The following RMDN2 variants were observed in gnomAD, a reference collection of about 807,000 sequenced individuals.
The protein encoded by RMDN2 is regulator of microtubule dynamics protein 2.
In RMDN2, 61 loss-of-function variants were observed where a neutral mutation model predicts 52.8. That is an observed-to-expected ratio of 1.16 (90% CI 0.94 to 1.43). RMDN2 has a LOEUF of 1.43. RMDN2 is among the 40% of genes most tolerant of loss of function. The pLI is 0.00. For synonymous variants in RMDN2, 180 were observed against 153.1 expected, an observed-to-expected ratio of 1.18 and a Z score of -1.30; for missense variants, 592 against 475.3, an observed-to-expected ratio of 1.25 and a Z score of -2.28.
At chr2:37,955,020 C>T (rs1669276239) in intron 2 of RMDN2, among the ~76,000 whole-genome samples, 1 of 151,978 alleles carries the variant, frequency 6.6e-6, no homozygotes, top group African/African-American at 2.4e-5. Flanking sequence ...CATAGAAATA[C>T]ACCTGATTTT....
intron 2 of RMDN2, among the ~76,000 whole-genome samples, chr2:37,969,306 C>T (rs1671489497): frequency 6.6e-6 from 1 of 151,778 alleles, no homozygotes; most frequent in South Asian, 2.1e-4. Flanking sequence ...AATGTGGAGC[C>T]TTATGAAATT....
At chr2:37,934,475 A>C (rs1202985587) in intron 2 of RMDN2, among the ~76,000 whole-genome samples, 4 of 152,216 alleles carry the variant, frequency 2.6e-5, no homozygotes, top group African/African-American at 9.6e-5. Context: ...TTTTAGCACT[A>C]GTGTTAACAT....
intron 2 of RMDN2, among the ~76,000 whole-genome samples, chr2:37,940,448 G>A (rs906775554): frequency 6.6e-6 from 1 of 152,170 alleles, no homozygotes; most frequent in Non-Finnish European, 1.5e-5. Flanking sequence ...TGTTGGGGAA[G>A]TTCTCCTGGA....
At chr2:38,028,407 A>G (rs1679939105) in intron 10 of RMDN2, among the ~76,000 whole-genome samples, 1 of 152,212 alleles carries the variant, frequency 6.6e-6, no homozygotes, top group Admixed American at 6.5e-5. Flanking sequence ...ATTGTATGGC[A>G]TTAATTTTAA....
In RMDN2 at chr2:37,951,780, A is replaced by T. The variant is rs755850354; in HGVS notation, c.452+22051A>T. On this transcript the variant is annotated intron_variant, in intron 2 of 10. Transcript: ENST00000354545. ...TGAATATAACACTAAAAATTTTAAG[A>T]ATTTTGAAACAAACACTACTTCTCC... 51 of 1,613,300 alleles carry T rather than the reference A, an allele frequency of 3.2e-5. 1 individual carries two copies. Among genetic ancestry groups the T allele is most frequent in the Non-Finnish European group, 4.2e-5 (49 of 1,179,668 alleles).
chr2:38,063,982 GTGTA>G (rs201890440), intron 10 of RMDN2, among the ~76,000 whole-genome samples: 2 of 150,618 alleles, frequency 1.3e-5, no homozygotes, highest in African/African-American at 2.5e-5. Flanking sequence ...GTTTGTGTGT[GTGTA>G]TGTGTGTGTG....
At chr2:37,951,942 A>G (rs372320363) in intron 2 of RMDN2, 5 of 1,613,392 alleles carry the variant, frequency 3.1e-6, no homozygotes, top group African/African-American at 1.3e-5. Context: ...CCAATTATGT[A>G]AAGATTTAAA....
intron 2 of RMDN2, chr2:37,950,565 G>A: frequency 6.2e-7 from 1 of 1,613,046 alleles, no homozygotes; most frequent in Non-Finnish European, 8.5e-7. Context: ...GACTTACTTT[G>A]GATTAAATTT....
intron 2 of RMDN2, among the ~76,000 whole-genome samples, chr2:37,954,400 T>C (rs1043418922): frequency 1.3e-5 from 2 of 152,126 alleles, no homozygotes; most frequent in Non-Finnish European, 2.9e-5. Flanking sequence ...ATGGTCTTAC[T>C]TCATTCTTTT....
chr2:37,992,362 G>A lies in RMDN2; in HGVS notation c.945+1065G>A, dbSNP rs146097295. ...TTTTCTCTTTTTTTCCTGGTTGTAA[G>A]ATGGCAAAGTCAAATAATAGAATGA... On this transcript the variant is annotated intron_variant, in intron 7 of 10. Transcript: ENST00000354545. Among the ~76,000 whole-genome samples the A allele has an allele frequency of 6.9e-3, 1,052 of 152,260 alleles. 7 individuals are homozygous for A. The highest frequency in any genetic ancestry group is 0.011 in the Non-Finnish European group (731 of 68,022).
At chr2:37,937,525 A>T (rs1667410002) in intron 2 of RMDN2, among the ~76,000 whole-genome samples, 1 of 152,156 alleles carries the variant, frequency 6.6e-6, no homozygotes, top group African/African-American at 2.4e-5. Context: ...CTTCCTATCC[A>T]TGAGCATGGA....
At chr2:37,981,424 G>C in intron 5 of RMDN2, 81 bp downstream of exon 5, 1 of 876,996 alleles carries the variant, frequency 1.1e-6, no homozygotes, top group Non-Finnish European at 1.9e-6. Flanking sequence ...AAATACTATT[G>C]ACTCATACGT....
intron 1 of RMDN2, among the ~76,000 whole-genome samples, chr2:37,926,734 C>G (rs527810773): frequency 2.2e-4 from 33 of 152,264 alleles, no homozygotes; most frequent in African/African-American, 7.9e-4. Flanking sequence ...CCCAGGAGTT[C>G]GGGACCAGCC....
chr2:38,045,896 T>C (rs1681244674), intron 10 of RMDN2, among the ~76,000 whole-genome samples: 1 of 152,172 alleles, frequency 6.6e-6, no homozygotes, highest in African/African-American at 2.4e-5. Context: ...AATTGTGACC[T>C]TGGTGGAAAA....
At chr2:38,061,857 C>T (rs1558596450) in intron 10 of RMDN2, among the ~76,000 whole-genome samples, 1 of 152,154 alleles carries the variant, frequency 6.6e-6, no homozygotes, top group Admixed American at 6.5e-5. Flanking sequence ...CTGGGAGGTT[C>T]CAGCTGTTGC....
At chr2:37,923,899 GC>G (rs1205311140), upstream of RMDN2, among the ~76,000 whole-genome samples, 1 of 152,020 alleles carries the variant, frequency 6.6e-6, no homozygotes, top group African/African-American at 2.4e-5. Context: ...ACAGAAGTGC[GC>G]CACCACACTC....
chr2:38,006,877 C>T (rs962456469), intron 10 of RMDN2, among the ~76,000 whole-genome samples: 3 of 152,116 alleles, frequency 2.0e-5, no homozygotes, highest in African/African-American at 7.2e-5. Context: ...GAGATACGTC[C>T]CATCAATACC....
chr2:37,942,008 C>G lies in RMDN2; in HGVS notation c.452+12279C>G, dbSNP rs977906769. ...GCCCAAACAGCTGCCCACTTTTGTG[C>G]TTGAAACCCTGGGCCCTTGTGGTGT... On this transcript the variant is annotated intron_variant, in intron 2 of 10. Transcript: ENST00000354545. Among the ~76,000 whole-genome samples, 4 of 151,630 alleles carry G rather than the reference C, an allele frequency of 2.6e-5. No homozygotes were observed. The South Asian group carries it at 8.4e-4, about 32-fold the overall frequency.
chr2:37,978,787 G>GATAC (rs1672909770), intron 4 of RMDN2, among the ~76,000 whole-genome samples: 1 of 149,274 alleles, frequency 6.7e-6, no homozygotes, highest in Admixed American at 6.6e-5. Flanking sequence ...CAGATAGATA[G>GATAC]ATAGATAGAT....
Sources: gnomAD v4.1 joint callset for allele counts (sites outside exome capture counted in the v4.1 genomes callset) on GRCh38, gnomAD v4.1.1 for gene constraint, MANE v1.5 for transcripts, NCBI Gene and HGNC (gene_info 2026-07-23, HGNC 2026-07-21) for gene names.